ZNF475: variants seen among roughly 807,000 people sequenced by gnomAD.
ZNF475 encodes zinc finger protein 475.
chr5:122,169,190 C>G, the ZNF475 span, among the ~76,000 whole-genome samples: 1 of 152,164 alleles, frequency 6.6e-6, no homozygotes, highest in Non-Finnish European at 1.5e-5. Flanking sequence ...TGTTGTTTAG[C>G]AGCTTGGCTG....
chr5:122,177,318 G>T, the ZNF475 span, among the ~76,000 whole-genome samples: 2 of 152,216 alleles, frequency 1.3e-5, no homozygotes, highest in Non-Finnish European at 2.9e-5. Context: ...GGGCATAATA[G>T]TGTTAACAAT....
At chr5:122,178,046 C>T in the ZNF475 span, among the ~76,000 whole-genome samples, 2 of 152,144 alleles carry the variant, frequency 1.3e-5, no homozygotes, top group Non-Finnish European at 2.9e-5. Context: ...TTTCCAGTTT[C>T]ATCCATGTCC....
chr5:122,160,646 A>C, the ZNF475 span, among the ~76,000 whole-genome samples: 4 of 152,232 alleles, frequency 2.6e-5, no homozygotes, highest in African/African-American at 9.6e-5. Flanking sequence ...TCTAGAAAGA[A>C]AAATACTGAC....
the ZNF475 span, among the ~76,000 whole-genome samples, chr5:122,180,676 A>T: frequency 6.6e-6 from 1 of 152,176 alleles, no homozygotes; most frequent in Non-Finnish European, 1.5e-5. Context: ...GTAACCGTAG[A>T]TTTGCAATGC....
the ZNF475 span, among the ~76,000 whole-genome samples, chr5:122,169,346 A>G: frequency 3.9e-5 from 6 of 152,180 alleles, no homozygotes; most frequent in Admixed American, 3.9e-4. Context: ...CATGACACTT[A>G]CACATTTTGG....
chr5:122,170,194 G>C, the ZNF475 span, among the ~76,000 whole-genome samples: 2 of 152,104 alleles, frequency 1.3e-5, no homozygotes, highest in Non-Finnish European at 2.9e-5. Context: ...CCAAATGTGT[G>C]GATTTTTTCC....
the ZNF475 span, among the ~76,000 whole-genome samples, chr5:122,164,589 C>A: frequency 6.6e-6 from 1 of 152,136 alleles, no homozygotes; most frequent in East Asian, 1.9e-4. Flanking sequence ...CATAGGGTAA[C>A]TCACCCCAGC....
the ZNF475 span, among the ~76,000 whole-genome samples, chr5:122,172,829 C>T: frequency 0.037 from 5,645 of 152,062 alleles, 340 homozygotes; most frequent in African/African-American, 0.12. Context: ...GTCAGGAGAT[C>T]GAGACCACCC....
At chr5:122,160,271 A>T in the ZNF475 span, 2 of 1,289,766 alleles carry the variant, frequency 1.6e-6, no homozygotes, top group South Asian at 2.5e-5. Context: ...AGGTAACAGG[A>T]CCAGTTCTCT....
At chr5:122,163,259 A>T in the ZNF475 span, 2 of 152,312 alleles carry the variant, frequency 1.3e-5, no homozygotes, top group Admixed American at 6.5e-5. Context: ...AGGGGCATTG[A>T]GCTCTGCCCA....
the ZNF475 span, among the ~76,000 whole-genome samples, chr5:122,176,065 A>G: frequency 6.6e-6 from 1 of 151,794 alleles, no homozygotes; most frequent in Non-Finnish European, 1.5e-5. Flanking sequence ...GCCCCTCATC[A>G]CTCTTTGCAG....
chr5:122,177,812 G>C, the ZNF475 span, among the ~76,000 whole-genome samples: 2 of 151,888 alleles, frequency 1.3e-5, no homozygotes, highest in African/African-American at 2.4e-5. Context: ...TTGTTACATA[G>C]GTATACACGT....
the ZNF475 span, chr5:122,160,356 T>C: frequency 3.8e-6 from 4 of 1,049,308 alleles, no homozygotes; most frequent in Non-Finnish European, 5.2e-6. Context: ...TATGTGTGTG[T>C]CGAAGGTGGG....
the ZNF475 span, among the ~76,000 whole-genome samples, chr5:122,181,651 A>T: frequency 6.6e-6 from 1 of 152,230 alleles, no homozygotes; most frequent in Admixed American, 6.5e-5. Flanking sequence ...TGTGCCAAAG[A>T]TAAAAACTAA....
At chr5:122,176,972 T>G in the ZNF475 span, among the ~76,000 whole-genome samples, 2 of 152,228 alleles carry the variant, frequency 1.3e-5, no homozygotes, top group Admixed American at 1.3e-4. Context: ...CCCATAGATT[T>G]GGTTCTCCTA....
At chr5:122,165,919 CCCACTAAAATGA>C in the ZNF475 span, among the ~76,000 whole-genome samples, 1 of 152,172 alleles carries the variant, frequency 6.6e-6, no homozygotes. Flanking sequence ...TTGGCAAAGG[CCCACTAAAATGA>C]CCTCATCAAA....
the ZNF475 span, chr5:122,182,379 A>G: frequency 1.4e-6 from 1 of 738,990 alleles, no homozygotes; most frequent in Admixed American, 3.6e-5. Context: ...CATAGAAAGT[A>G]GAATATGGTT....
chr5:122,176,381 A>T, the ZNF475 span, among the ~76,000 whole-genome samples: 1 of 152,112 alleles, frequency 6.6e-6, no homozygotes, highest in African/African-American at 2.4e-5. Flanking sequence ...GGACTTATTT[A>T]TTTAAATTCT....
At chr5:122,164,441 A>G in the ZNF475 span, among the ~76,000 whole-genome samples, 1 of 152,220 alleles carries the variant, frequency 6.6e-6, no homozygotes, top group Non-Finnish European at 1.5e-5. Context: ...AGGAGGCAGT[A>G]GCATTGGGTA....
Sources: allele counts gnomAD v4.1 joint callset (sites outside exome capture counted in the v4.1 genomes callset), GRCh38; gene constraint gnomAD v4.1.1; transcripts MANE v1.5; gene names NCBI Gene and HGNC (gene_info 2026-07-23, HGNC 2026-07-21).